ZBBX: variants seen among roughly 807,000 people sequenced by gnomAD.
The protein encoded by ZBBX is zinc finger B-box domain containing, also known as zinc finger B-box domain-containing protein 1.
A neutral mutation model predicts 108.5 loss-of-function variants in ZBBX; 101 were observed. That is an observed-to-expected ratio of 0.93 (90% CI 0.79 to 1.10). The LOEUF is 1.10. ZBBX is among the 50% of genes least tolerant of loss of function. The probability of loss-of-function intolerance (pLI) is 0.00; values close to 1 mark genes in which losing one functional copy is unlikely to be tolerated. For synonymous variants in ZBBX, 356 were observed against 323.4 expected (o/e 1.10, Z -1.08); for missense variants, 1,009 against 941.4 (o/e 1.07, Z -0.94).
the ZBBX span, among the ~76,000 whole-genome samples, chr3:167,211,419 T>A: frequency 1.3e-5 from 2 of 152,156 alleles, no homozygotes; most frequent in Non-Finnish European, 2.9e-5. Flanking sequence ...AGTGGGAGGT[T>A]ACATTCCTGT....
the ZBBX span, among the ~76,000 whole-genome samples, chr3:167,187,563 C>T: frequency 6.6e-6 from 1 of 152,138 alleles, no homozygotes; most frequent in Non-Finnish European, 1.5e-5. Flanking sequence ...AGTGACAGCA[C>T]CTTCCATTGT....
intron 4 of ZBBX, among the ~76,000 whole-genome samples, chr3:167,371,127 T>C (rs1353272113): frequency 6.6e-6 from 1 of 152,120 alleles, no homozygotes. Context: ...CCTGTCCTGG[T>C]TTTTAATGGT....
chr3:167,354,632 TA>T (rs1302697845), intron 8 of ZBBX, among the ~76,000 whole-genome samples: 1 of 151,916 alleles, frequency 6.6e-6, no homozygotes, highest in African/African-American at 2.4e-5. Flanking sequence ...TTTAAAACTA[TA>T]ATTTTATATA....
intron 5 of ZBBX, chr3:167,367,034 C>T (rs1745428987): frequency 1.3e-5 from 5 of 375,986 alleles, no homozygotes; most frequent in South Asian, 1.0e-4. Context: ...AAGATAAATA[C>T]TACTGAAAGT....
intron 19 of ZBBX, among the ~76,000 whole-genome samples, chr3:167,285,012 T>A (rs991948748): frequency 2.0e-5 from 3 of 152,104 alleles, no homozygotes; most frequent in Non-Finnish European, 4.4e-5. Context: ...AAGAAGTTAC[T>A]TTTGGAGTAA....
the ZBBX span, among the ~76,000 whole-genome samples, chr3:167,186,236 AG>A: frequency 1.3e-5 from 2 of 152,042 alleles, no homozygotes; most frequent in Admixed American, 6.6e-5. Flanking sequence ...TTATTTCAAA[AG>A]GGGGCTTCCA....
In ZBBX at chr3:167,400,082, C is replaced by G. The variant is rs139890650; in HGVS notation, c.-446+7644G>C. ...AGTATTCCGTAGTGTATATGTACTA[C>G]ATTTTCTTTATTCAATCCACCATTG... On this transcript the variant is annotated intron_variant, in intron 1 of 21. Transcript: ENST00000455345. Among the ~76,000 whole-genome samples the G allele has an allele frequency of 1.1e-3, 162 of 152,288 alleles. 1 individual carries two copies. The East Asian group carries it at 0.022, about 20-fold the overall frequency.
intron 16 of ZBBX, among the ~76,000 whole-genome samples, chr3:167,306,515 T>C (rs1733672372): frequency 6.6e-6 from 1 of 152,128 alleles, no homozygotes; most frequent in African/African-American, 2.4e-5. Flanking sequence ...AAATAAATCA[T>C]TTGGTTTACA....
intron 20 of ZBBX, among the ~76,000 whole-genome samples, chr3:167,250,459 T>C (rs1722378462): frequency 2.0e-5 from 3 of 152,176 alleles, no homozygotes. Flanking sequence ...TTCTTATCTC[T>C]GTAATCTCTG....
chr3:167,251,720 T>C (rs776112363), intron 20 of ZBBX, among the ~76,000 whole-genome samples: 18 of 152,174 alleles, frequency 1.2e-4, no homozygotes, highest in Non-Finnish European at 4.4e-5. Flanking sequence ...GATCAAATAA[T>C]TTTATTAGAT....
intron 20 of ZBBX, among the ~76,000 whole-genome samples, chr3:167,258,319 A>G (rs1723879104): frequency 6.6e-6 from 1 of 152,120 alleles, no homozygotes; most frequent in African/African-American, 2.4e-5. Flanking sequence ...GGGTTTTTAT[A>G]GTTTCCCATC....
At chr3:167,212,307 C>T in the ZBBX span, among the ~76,000 whole-genome samples, 2 of 152,190 alleles carry the variant, frequency 1.3e-5, no homozygotes, top group Non-Finnish European at 2.9e-5. Context: ...GCAGTTCTTC[C>T]AGGCCTGGGC....
At chr3:167,352,455 GA>G (rs1278410109) in intron 8 of ZBBX, among the ~76,000 whole-genome samples, 6 of 151,864 alleles carry the variant, frequency 4.0e-5, no homozygotes, top group Admixed American at 1.3e-4. Context: ...ATCCAGAACA[GA>G]CCAATATGAG....
the ZBBX span, among the ~76,000 whole-genome samples, chr3:167,214,581 T>C: frequency 6.6e-6 from 1 of 152,142 alleles, no homozygotes; most frequent in Non-Finnish European, 1.5e-5. Flanking sequence ...AGACAGATTA[T>C]CAAGGCAGAA....
the ZBBX span, among the ~76,000 whole-genome samples, chr3:167,193,659 G>A: frequency 6.6e-6 from 1 of 152,086 alleles, no homozygotes; most frequent in Non-Finnish European, 1.5e-5. Context: ...TCCCATGGGA[G>A]AATTCCAAAG....
intron 20 of ZBBX, among the ~76,000 whole-genome samples, chr3:167,275,299 C>A (rs1727320121): frequency 6.6e-6 from 1 of 152,148 alleles, no homozygotes; most frequent in South Asian, 2.1e-4. Context: ...ATAGGAACAG[C>A]TCCGGTCTAC....
chr3:167,254,659 A>G (rs1723158247), intron 20 of ZBBX, among the ~76,000 whole-genome samples: 1 of 152,152 alleles, frequency 6.6e-6, no homozygotes, highest in South Asian at 2.1e-4. Flanking sequence ...CAGCAGGAGA[A>G]AGCCTAATGG....
At chr3:167,287,883 A>C (rs1030344775) in intron 19 of ZBBX, among the ~76,000 whole-genome samples, 1 of 152,130 alleles carries the variant, frequency 6.6e-6, no homozygotes, top group African/African-American at 2.4e-5. Flanking sequence ...CATGGAAAGG[A>C]TCTAAGATAG....
At chr3:167,382,772 A>G (rs964930884), upstream of ZBBX, among the ~76,000 whole-genome samples, 7 of 152,136 alleles carry the variant, frequency 4.6e-5, no homozygotes, top group African/African-American at 1.7e-4. Flanking sequence ...TTAACTATTG[A>G]TAAAGTCTCT....
Sources: gnomAD v4.1 joint callset for allele counts (sites outside exome capture counted in the v4.1 genomes callset) on GRCh38, gnomAD v4.1.1 for gene constraint, MANE v1.5 for transcripts, NCBI Gene and HGNC (gene_info 2026-07-23, HGNC 2026-07-21) for gene names.